ANK3: variants seen among roughly 807,000 people sequenced by gnomAD.
ANK3 encodes ankyrin 3.
Under a neutral mutation model 370.9 loss-of-function variants are expected in ANK3, and 57 were observed. The observed-to-expected ratio is 0.15, with a 90% CI of 0.12 to 0.19. The LOEUF is 0.19. Among genes scored for constraint, ANK3 ranks in the 10% least tolerant of loss-of-function variants. The probability of loss-of-function intolerance (pLI) is 1.00; values close to 1 mark genes in which losing one functional copy is unlikely to be tolerated. For missense variants in ANK3, 4,439 were observed against 5,302.1 expected (o/e 0.84, Z 5.06); for synonymous variants, 1,929 against 1,946.3 (o/e 0.99, Z 0.23).
At chr10:60,180,518 C>T (rs1216850692) in intron 18 of ANK3, among the ~76,000 whole-genome samples, 2 of 133,258 alleles carry the variant, frequency 1.5e-5, no homozygotes, top group Admixed American at 8.6e-5. Context: ...ATTGCTTGAA[C>T]GTGGGAGGTG....
At chr10:60,162,948 C>T (rs2095534130) in intron 23 of ANK3, among the ~76,000 whole-genome samples, 1 of 152,130 alleles carries the variant, frequency 6.6e-6, no homozygotes, top group African/African-American at 2.4e-5. Context: ...TTTATACCCC[C>T]CTGCCCCAAT....
At chr10:60,616,482 C>A (rs1160294732) in intron 1 of ANK3, among the ~76,000 whole-genome samples, 2 of 152,130 alleles carry the variant, frequency 1.3e-5, no homozygotes, top group African/African-American at 4.8e-5. Flanking sequence ...TACAGTATAT[C>A]TTGCCTTTTC....
rs775974235 is a variant in ANK3, at chr10:60,108,931, C to T, written c.3072G>A (p.Leu1024=). Residue 1024 remains leucine, a synonymous_variant, in exon 27 of 44, where the codon TTG becomes TTA. Transcript: ENST00000280772. ...CTAPTRITCR[L]VKRHKLANPP... ...GGTTGGCCAGTTTATGTCTCTTTAC[C>T]AAACGGCAGGTGATTCGAGTGGGGG... 4 of 1,614,042 alleles carry T rather than the reference C, an allele frequency of 2.5e-6. No homozygotes were observed. Among genetic ancestry groups the T allele is most frequent in the Non-Finnish European group, 3.4e-6 (4 of 1,179,968 alleles).
chr10:60,513,349 C>T (rs1026151356), intron 2 of ANK3, among the ~76,000 whole-genome samples: 23 of 152,012 alleles, frequency 1.5e-4, no homozygotes, highest in Admixed American at 1.2e-3. Flanking sequence ...ATCCAACTAC[C>T]AGTCAAGATT....
chr10:60,279,402 C>T (rs2098131873), intron 2 of ANK3, 136 bp downstream of exon 2: 9 of 754,950 alleles, frequency 1.2e-5, no homozygotes, highest in Non-Finnish European at 2.0e-5. Context: ...GTTCCTCTAA[C>T]AGAGAATAAT....
intron 1 of ANK3, among the ~76,000 whole-genome samples, chr10:60,627,899 G>A (rs533269388): frequency 6.6e-6 from 1 of 152,218 alleles, no homozygotes; most frequent in African/African-American, 2.4e-5. Context: ...GAGCCCTGGA[G>A]AGGTTAATTA....
intron 1 of ANK3, among the ~76,000 whole-genome samples, chr10:60,367,694 C>T (rs938125835): frequency 2.6e-5 from 4 of 152,142 alleles, no homozygotes; most frequent in African/African-American, 9.7e-5. Context: ...AGCAGAATTA[C>T]CAAGCTGGGA....
chr10:60,432,224 T>C (rs2064042728), intron 2 of ANK3, among the ~76,000 whole-genome samples: 6 of 152,350 alleles, frequency 3.9e-5, no homozygotes, highest in Admixed American at 3.9e-4. Context: ...GCTATTAACA[T>C]ATGAATGGTA....
chr10:60,689,962 A>G (rs1589031524), intron 1 of ANK3, among the ~76,000 whole-genome samples: 1 of 152,234 alleles, frequency 6.6e-6, no homozygotes, highest in African/African-American at 2.4e-5. Flanking sequence ...CAAACATGCC[A>G]TTGTAGTATA....
At chr10:60,444,366 A>T (rs1285613370) in intron 2 of ANK3, among the ~76,000 whole-genome samples, 1 of 151,312 alleles carries the variant, frequency 6.6e-6, no homozygotes. Context: ...AACCATATAT[A>T]TAACATATAA....
intron 10 of ANK3, among the ~76,000 whole-genome samples, 193 bp downstream of exon 10, chr10:60,207,842 CT>C (rs1338404376): frequency 3.9e-5 from 6 of 152,176 alleles, no homozygotes; most frequent in Non-Finnish European, 7.3e-5. Flanking sequence ...AACAGTTTGG[CT>C]CCCTCAGCCT....
At chr10:60,078,845 T>C (rs964525991) in intron 36 of ANK3, among the ~76,000 whole-genome samples, 19 of 152,136 alleles carry the variant, frequency 1.2e-4, no homozygotes, top group Non-Finnish European at 2.4e-4. Context: ...TATGTACCCT[T>C]TCATAAAACA....
chr10:60,360,368 T>TAA (rs1460593218), intron 1 of ANK3, among the ~76,000 whole-genome samples: 3 of 152,224 alleles, frequency 2.0e-5, no homozygotes, highest in African/African-American at 7.2e-5. Flanking sequence ...TTGTTTTTAA[T>TAA]AAAGTTGGTA....
chr10:60,109,145 G>A, intron 26 of ANK3, 91 bp from the exon 27 acceptor site: 1 of 973,482 alleles, frequency 1.0e-6, no homozygotes, highest in Non-Finnish European at 1.5e-6. Context: ...TTTATTTAAA[G>A]CGACAGACAA....
intron 1 of ANK3, among the ~76,000 whole-genome samples, chr10:60,370,362 T>G (rs538026037): frequency 6.6e-6 from 1 of 152,340 alleles, no homozygotes; most frequent in African/African-American, 2.4e-5. Context: ...ATGGATTATA[T>G]TAATCATGCA....
intron 7 of ANK3, among the ~76,000 whole-genome samples, chr10:60,235,335 T>G (rs2097311965): frequency 6.6e-6 from 1 of 152,214 alleles, no homozygotes. Flanking sequence ...CAGGCATTTG[T>G]TAGCAGTCTC....
intron 21 of ANK3, among the ~76,000 whole-genome samples, 156 bp downstream of exon 21, chr10:60,172,152 G>A (rs1003521292): frequency 6.6e-6 from 1 of 152,152 alleles, no homozygotes; most frequent in African/African-American, 2.4e-5. Flanking sequence ...TTAGCAATAA[G>A]AGTTTTGCTA....
intron 21 of ANK3, among the ~76,000 whole-genome samples, chr10:60,169,790 A>G (rs1389915056): frequency 6.6e-6 from 1 of 152,160 alleles, no homozygotes; most frequent in Non-Finnish European, 1.5e-5. Context: ...CTTCAAGACT[A>G]TTATATTTAT....
chr10:60,390,601 C>T (rs1551683), upstream of ANK3, among the ~76,000 whole-genome samples: 16,167 of 151,824 alleles, frequency 0.11, 956 homozygotes, highest in South Asian at 0.14. Context: ...ATGCACACAC[C>T]GGAAGAAATC....
Sources: gnomAD v4.1 joint callset for allele counts (sites outside exome capture counted in the v4.1 genomes callset) on GRCh38, gnomAD v4.1.1 for gene constraint, MANE v1.5 for transcripts, NCBI Gene and HGNC (gene_info 2026-07-23, HGNC 2026-07-21) for gene names.